ITGA8: variants seen among roughly 807,000 people sequenced by gnomAD.
The protein encoded by ITGA8 is integrin alpha-8.
In ITGA8, 91 loss-of-function variants were observed where a neutral mutation model predicts 142.3. The ratio of observed to expected loss-of-function variants is 0.64; its 90% CI spans 0.54 to 0.76. ITGA8 has a LOEUF of 0.76. ITGA8 is among the 30% of genes least tolerant of loss of function. The pLI is 0.00. For missense variants in ITGA8, 1,406 were observed against 1,327.7 expected (o/e 1.06, Z -0.92); for synonymous variants, 505 against 485.2 (o/e 1.04, Z -0.54).
chr10:15,655,096 T>TTG (rs397727848), intron 11 of ITGA8, among the ~76,000 whole-genome samples: 1 of 2,394 alleles, frequency 4.2e-4, no homozygotes, highest in Non-Finnish European at 0.014. Context: ...GGCTGAAGAC[T>TTG]ATAAAATTAA....
At chr10:15,542,954 G>T (rs573171036) in intron 27 of ITGA8, among the ~76,000 whole-genome samples, 2 of 152,268 alleles carry the variant, frequency 1.3e-5, no homozygotes, top group South Asian at 2.1e-4. Flanking sequence ...TAAGCGTAAA[G>T]AGCCATTTAG....
chr10:15,646,292 A>G (rs1833979462), intron 12 of ITGA8, among the ~76,000 whole-genome samples: 1 of 152,204 alleles, frequency 6.6e-6, no homozygotes, highest in Admixed American at 6.5e-5. Flanking sequence ...GAGAAGTTTA[A>G]AGTTGAACAT....
intron 8 of ITGA8, among the ~76,000 whole-genome samples, chr10:15,663,420 C>T (rs1834326919): frequency 6.6e-6 from 1 of 152,156 alleles, no homozygotes; most frequent in Admixed American, 6.6e-5. Context: ...CCTCAAAACA[C>T]TTAAAACCCA....
intron 13 of ITGA8, among the ~76,000 whole-genome samples, chr10:15,626,572 G>C (rs1159234217): frequency 1.3e-5 from 2 of 152,072 alleles, no homozygotes; most frequent in Admixed American, 6.6e-5. Flanking sequence ...CAGTTCTTGT[G>C]TATATCTGCA....
At chr10:15,717,677 C>T (rs1461551694) in intron 2 of ITGA8, among the ~76,000 whole-genome samples, 1 of 152,146 alleles carries the variant, frequency 6.6e-6, no homozygotes, top group African/African-American at 2.4e-5. Flanking sequence ...AAAATACTTT[C>T]CTAATTTGGT....
At chr10:15,671,544 T>G (rs972229520) in intron 8 of ITGA8, 59 bp downstream of exon 8, 1 of 1,413,492 alleles carries the variant, frequency 7.1e-7, no homozygotes, top group East Asian at 2.3e-5. Flanking sequence ...AAACTTTATA[T>G]GCCATTTTAC....
chr10:15,677,833 C>A (rs950377936), intron 5 of ITGA8, among the ~76,000 whole-genome samples, 196 bp from the exon 6 acceptor site: 1 of 152,126 alleles, frequency 6.6e-6, no homozygotes, highest in Admixed American at 6.5e-5. Flanking sequence ...AGTGTGTTAT[C>A]ATATTAAATA....
In ITGA8 at chr10:15,533,771, A is replaced by AT. The variant is rs1833360278; in HGVS notation, c.2881-2621dup. Among the ~76,000 whole-genome samples the AT allele has an allele frequency of 3.3e-5, 5 of 152,374 alleles. No homozygotes were observed. The South Asian group carries it at 1.0e-3, about 32-fold the overall frequency. ...AAATGCGAAAGTTTCCTAATGCATC[A>AT]TAGACAGCATTTGAACTCTAGGATG... On this transcript the variant is annotated intron_variant, in intron 27 of 29. Transcript: ENST00000378076.
At chr10:15,535,968 G>A (rs892499125) in intron 27 of ITGA8, among the ~76,000 whole-genome samples, 3 of 151,594 alleles carry the variant, frequency 2.0e-5, no homozygotes, top group Non-Finnish European at 4.4e-5. Context: ...ATAACTCCGC[G>A]CTGCCTTAAG....
intron 28 of ITGA8, among the ~76,000 whole-genome samples, chr10:15,520,884 G>C (rs1439435088): frequency 6.6e-6 from 1 of 152,198 alleles, no homozygotes; most frequent in Non-Finnish European, 1.5e-5. Context: ...CGTCAGGAGA[G>C]GCTGAGACTA....
At chr10:15,717,179 G>T (rs1835469716) in intron 2 of ITGA8, among the ~76,000 whole-genome samples, 1 of 152,128 alleles carries the variant, frequency 6.6e-6, no homozygotes, top group African/African-American at 2.4e-5. Context: ...CTGATTTGAT[G>T]TTATGAGACT....
At chr10:15,630,041 G>A (rs1833657415) in intron 13 of ITGA8, among the ~76,000 whole-genome samples, 1 of 152,030 alleles carries the variant, frequency 6.6e-6, no homozygotes, top group South Asian at 2.1e-4. Flanking sequence ...AAATAATTGA[G>A]ACTTGTCATT....
chr10:15,592,767 G>T (rs1019115512), intron 21 of ITGA8, among the ~76,000 whole-genome samples: 1 of 152,120 alleles, frequency 6.6e-6, no homozygotes, highest in African/African-American at 2.4e-5. Flanking sequence ...ACCACACCTG[G>T]TTAACTTTTT....
chr10:15,530,382 T>C (rs188143610), intron 28 of ITGA8, among the ~76,000 whole-genome samples: 8 of 151,584 alleles, frequency 5.3e-5, no homozygotes, highest in African/African-American at 1.9e-4. Context: ...CCTGTCTCTA[T>C]GAAAAATACA....
chr10:15,521,065 C>T (rs1255221681), intron 28 of ITGA8, among the ~76,000 whole-genome samples: 1 of 152,246 alleles, frequency 6.6e-6, no homozygotes, highest in African/African-American at 2.4e-5. Flanking sequence ...GTTGCCCAGG[C>T]TAGAGTGCAA....
intron 13 of ITGA8, among the ~76,000 whole-genome samples, chr10:15,620,861 A>G (rs1019367340): frequency 6.6e-6 from 1 of 152,212 alleles, no homozygotes; most frequent in African/African-American, 2.4e-5. Context: ...ATACATTTAT[A>G]TTTATGCTGG....
chr10:15,684,664 C>T (rs907721304), intron 3 of ITGA8, among the ~76,000 whole-genome samples: 1 of 145,842 alleles, frequency 6.9e-6, no homozygotes, highest in African/African-American at 2.5e-5. Context: ...AGAGCCACAG[C>T]ACCTAGGCCC....
intron 25 of ITGA8, 115 bp downstream of exon 25, chr10:15,572,096 T>C: frequency 1.3e-6 from 1 of 777,956 alleles, no homozygotes; most frequent in Non-Finnish European, 2.0e-6. Flanking sequence ...TGATCAATGA[T>C]CACTGAAGCA....
chr10:15,685,211 C>T (rs926830675), intron 3 of ITGA8, among the ~76,000 whole-genome samples: 1 of 152,130 alleles, frequency 6.6e-6, no homozygotes, highest in African/African-American at 2.4e-5. Context: ...AGAAATTTAT[C>T]GAGATAAACT....
Sources: allele counts gnomAD v4.1 joint callset (sites outside exome capture counted in the v4.1 genomes callset), GRCh38; gene constraint gnomAD v4.1.1; transcripts MANE v1.5; gene names NCBI Gene and HGNC (gene_info 2026-07-23, HGNC 2026-07-21).